The following FGGY variants were observed in gnomAD, a reference collection of about 807,000 sequenced individuals.
FGGY encodes FGGY carbohydrate kinase domain-containing protein.
A neutral mutation model predicts 71.3 loss-of-function variants in FGGY; 72 were observed. The observed-to-expected ratio is 1.01, with a 90% CI of 0.84 to 1.23. The LOEUF (loss-of-function observed/expected upper bound fraction) is 1.23. Ranked by LOEUF, FGGY falls within the 50% of genes most tolerant of loss-of-function variation. The probability of loss-of-function intolerance (pLI) is 0.00; values close to 1 mark genes in which losing one functional copy is unlikely to be tolerated. For synonymous variants in FGGY, 251 were observed against 250.3 expected (o/e 1.00, Z -0.02); for missense variants, 668 against 682.3 (o/e 0.98, Z 0.23).
chr1:59,416,924 G>T (rs538687016), intron 5 of FGGY, among the ~76,000 whole-genome samples: 2 of 152,272 alleles, frequency 1.3e-5, no homozygotes, highest in South Asian at 4.1e-4. Flanking sequence ...ATTCCAATAT[G>T]ATAGTTACTA....
chr1:59,617,905 C>G (rs1485174291), intron 9 of FGGY, among the ~76,000 whole-genome samples: 1 of 152,088 alleles, frequency 6.6e-6, no homozygotes, highest in Non-Finnish European at 1.5e-5. Flanking sequence ...GAGTGTCTAT[C>G]TGCCTCCTGC....
intron 9 of FGGY, among the ~76,000 whole-genome samples, 192 bp from the exon 10 acceptor site, chr1:59,625,796 G>T (rs773253519): frequency 2.0e-5 from 3 of 152,120 alleles, no homozygotes; most frequent in Non-Finnish European, 4.4e-5. Context: ...TATTTAAGAG[G>T]CTAGCAGTAG....
At chr1:59,662,624 G>T (rs76248140) in intron 12 of FGGY, among the ~76,000 whole-genome samples, 6,057 of 152,220 alleles carry the variant, frequency 0.04, 268 homozygotes, top group African/African-American at 0.11. Flanking sequence ...GATACTGTAT[G>T]TTTACTGTAC....
chr1:59,755,455 G>A (rs1192355811), intron 14 of FGGY: 2 of 152,146 alleles, frequency 1.3e-5, no homozygotes, highest in African/African-American at 2.4e-5. Context: ...TATGATAGAC[G>A]GAAGCAGAAG....
At chr1:59,757,519 G>A (rs1262932478) in intron 14 of FGGY, among the ~76,000 whole-genome samples, 3 of 152,138 alleles carry the variant, frequency 2.0e-5, no homozygotes, top group Non-Finnish European at 4.4e-5. Context: ...GTTCCATTCC[G>A]TGATTGCTAT....
At chr1:59,346,101 G>A in intron 3 of FGGY, 146 bp from the exon 4 acceptor site, 1 of 1,010,298 alleles carries the variant, frequency 9.9e-7, no homozygotes, top group Non-Finnish European at 1.4e-6. Flanking sequence ...CCTCAGCCTT[G>A]CTGGTGTCCT....
intron 9 of FGGY, among the ~76,000 whole-genome samples, chr1:59,614,266 T>C (rs767088673): frequency 5.1e-4 from 78 of 152,214 alleles, no homozygotes; most frequent in African/African-American, 1.5e-3. Context: ...ATTGGCAAAC[T>C]GAATCCAGCA....
rs756806778 is a variant in FGGY at position 59,674,145 on chromosome 1, C to T, written c.1512+12C>T. 6.2e-7 allele frequency: 1 copy of T among 1,609,858 alleles called. No individual in the cohort carries two copies. The highest frequency in any genetic ancestry group is 1.7e-5 in the Admixed American group (1 of 59,860). ...TCGCTTCTGTACAGGTATGTGAAGA[C>T]CAGGGGGTGGGCTGTGGCTCCTCCC... On this transcript the variant is annotated intron_variant, in intron 14 of 15. Coordinates refer to ENST00000303721, the MANE Select transcript of FGGY (RefSeq NM_018291.5).
intron 8 of FGGY, among the ~76,000 whole-genome samples, chr1:59,602,108 C>A (rs2096583963): frequency 3.3e-5 from 5 of 152,164 alleles, no homozygotes; most frequent in Admixed American, 3.3e-4. Flanking sequence ...TAGAAAACCT[C>A]AAAGACAAAA....
chr1:59,539,888 A>G (rs576496636), intron 7 of FGGY, among the ~76,000 whole-genome samples: 1 of 152,366 alleles, frequency 6.6e-6, no homozygotes, highest in East Asian at 1.9e-4. Flanking sequence ...GAATGTCTAC[A>G]CATTAATGAG....
chr1:59,690,082 A>G (rs1573245435), intron 14 of FGGY, among the ~76,000 whole-genome samples: 1 of 152,316 alleles, frequency 6.6e-6, no homozygotes, highest in African/African-American at 2.4e-5. Flanking sequence ...ACTAACCACT[A>G]CAGAGGCTGG....
intron 6 of FGGY, among the ~76,000 whole-genome samples, chr1:59,511,990 T>C (rs1009457228): frequency 6.6e-6 from 1 of 152,214 alleles, no homozygotes; most frequent in Non-Finnish European, 1.5e-5. Flanking sequence ...TTGGAATGGT[T>C]TGAGCATTTA....
intron 7 of FGGY, among the ~76,000 whole-genome samples, chr1:59,547,318 T>G (rs1387776239): frequency 6.6e-6 from 1 of 152,186 alleles, no homozygotes; most frequent in East Asian, 1.9e-4. Context: ...TTTGCTTTAG[T>G]GGCATTTTGA....
chr1:59,484,358 T>A (rs2093595648), intron 6 of FGGY, among the ~76,000 whole-genome samples: 1 of 152,172 alleles, frequency 6.6e-6, no homozygotes, highest in Non-Finnish European at 1.5e-5. Context: ...ATCATCTTTC[T>A]CCCTGCTCCC....
At chr1:59,633,015 T>C (rs2096922267) in intron 10 of FGGY, among the ~76,000 whole-genome samples, 2 of 150,098 alleles carry the variant, frequency 1.3e-5, no homozygotes, top group South Asian at 2.1e-4. Context: ...TTTTTTTTTT[T>C]TTTCTTTTTT....
chr1:59,517,717 C>G (rs937931278), intron 7 of FGGY, among the ~76,000 whole-genome samples: 2 of 152,124 alleles, frequency 1.3e-5, no homozygotes, highest in Non-Finnish European at 2.9e-5. Context: ...CTTTGGGCAA[C>G]CTGTTGTTTC....
intron 8 of FGGY, among the ~76,000 whole-genome samples, chr1:59,561,765 G>A (rs2095796711): frequency 6.6e-6 from 1 of 152,196 alleles, no homozygotes; most frequent in African/African-American, 2.4e-5. Flanking sequence ...GTGTAGGAAT[G>A]CAACACTTTG....
chr1:59,733,225 G>C (rs1350233491), intron 14 of FGGY: 1 of 153,988 alleles, frequency 6.5e-6, no homozygotes. Context: ...ATAAAGCCTA[G>C]CAAATGTGCA....
At chr1:59,616,127 C>T (rs2096750433) in intron 9 of FGGY, among the ~76,000 whole-genome samples, 8 of 152,128 alleles carry the variant, frequency 5.3e-5, no homozygotes, top group Admixed American at 5.2e-4. Context: ...CCAGCCATCC[C>T]ATTACTGGGT....
Sources: gnomAD v4.1 joint callset for allele counts (sites outside exome capture counted in the v4.1 genomes callset) on GRCh38, gnomAD v4.1.1 for gene constraint, MANE v1.5 for transcripts, NCBI Gene and HGNC (gene_info 2026-07-23, HGNC 2026-07-21) for gene names.